The following RFX3 variants were observed in gnomAD, a reference collection of about 807,000 sequenced individuals.
RFX3 encodes transcription factor RFX3.
A neutral mutation model predicts 98.6 loss-of-function variants in RFX3; 14 were observed. That is an observed-to-expected ratio of 0.14 (90% confidence interval 0.09 to 0.22). The LOEUF (loss-of-function observed/expected upper bound fraction) is 0.22, where lower values mean the gene tolerates loss of function less well. RFX3 is among the 10% of genes least tolerant of loss of function. RFX3 has a pLI of 1.00. For synonymous variants in RFX3, 383 were observed against 328.4 expected (o/e 1.17, Z -1.80); for missense variants, 639 against 926.9 (o/e 0.69, Z 4.03).
intron 2 of RFX3, among the ~76,000 whole-genome samples, chr9:3,385,187 G>C (rs1415131881): frequency 1.3e-5 from 2 of 152,268 alleles, no homozygotes; most frequent in East Asian, 3.9e-4. Context: ...CAAATTATAT[G>C]TAAGTACAGG....
chr9:3,378,001 A>G (rs1410540911), intron 2 of RFX3, among the ~76,000 whole-genome samples: 2 of 152,234 alleles, frequency 1.3e-5, no homozygotes, highest in Non-Finnish European at 2.9e-5. Context: ...ACATACAAAA[A>G]TAGGAATTAC....
intron 1 of RFX3, among the ~76,000 whole-genome samples, chr9:3,446,796 T>C (rs1269849502): frequency 6.6e-6 from 1 of 152,078 alleles, no homozygotes; most frequent in East Asian, 1.9e-4. Context: ...TCATCTATTC[T>C]CTCACACAGA....
At position 3,484,632 on chromosome 9, in the gene RFX3, T is replaced by C. The variant is rs140214079; in HGVS notation, c.-9+41115A>G. ...TTAGTATTTTCTACTTCACATGTGG[T>C]TTTCTACTTACAACTCTGTGTAGCT... On this transcript the variant is annotated intron_variant, in intron 1 of 16. Transcript: ENST00000617270. Among the ~76,000 whole-genome samples, 391 of 152,334 alleles carry C rather than the reference T, an allele frequency of 2.6e-3. 1 individual carries two copies. Among genetic ancestry groups the C allele is most frequent in the East Asian group, 8.3e-3 (43 of 5,192 alleles).
chr9:3,362,513 C>G (rs1352600849), intron 2 of RFX3, among the ~76,000 whole-genome samples: 2 of 152,088 alleles, frequency 1.3e-5, no homozygotes, highest in Non-Finnish European at 2.9e-5. Flanking sequence ...AGGTTCAAAT[C>G]CAATAAACAT....
At chr9:3,320,443 T>A (rs1831131854) in intron 4 of RFX3, among the ~76,000 whole-genome samples, 2 of 151,830 alleles carry the variant, frequency 1.3e-5, no homozygotes, top group Non-Finnish European at 2.9e-5. Context: ...ACTCAGCTAC[T>A]TGGGAGGATG....
intron 1 of RFX3, among the ~76,000 whole-genome samples, chr9:3,403,457 G>A (rs1280501767): frequency 6.6e-6 from 1 of 152,112 alleles, no homozygotes; most frequent in Non-Finnish European, 1.5e-5. Context: ...TAATAGTGTA[G>A]ACTGTTCAGC....
intron 3 of RFX3, among the ~76,000 whole-genome samples, chr9:3,338,445 C>A (rs1833458419): frequency 6.6e-6 from 1 of 152,148 alleles, no homozygotes. Context: ...TGACAATGTA[C>A]AGCATACTGG....
intron 2 of RFX3, among the ~76,000 whole-genome samples, chr9:3,373,725 G>A (rs1006678344): frequency 3.9e-5 from 6 of 152,062 alleles, no homozygotes; most frequent in African/African-American, 1.4e-4. Flanking sequence ...AAAAAGTATA[G>A]GAGGAGGAGA....
intron 1 of RFX3, among the ~76,000 whole-genome samples, chr9:3,446,198 G>A (rs1846034309): frequency 1.3e-5 from 2 of 152,000 alleles, no homozygotes; most frequent in Admixed American, 1.3e-4. Flanking sequence ...GTGGGTTACT[G>A]GGGGAGTATA....
At chr9:3,474,260 A>T (rs147420681) in intron 1 of RFX3, among the ~76,000 whole-genome samples, 2 of 152,356 alleles carry the variant, frequency 1.3e-5, no homozygotes, top group East Asian at 3.9e-4. Context: ...TCACAAAAAC[A>T]GTCTATTTAT....
At chr9:3,267,124 A>C (rs1823751034) in intron 11 of RFX3, among the ~76,000 whole-genome samples, 1 of 152,028 alleles carries the variant, frequency 6.6e-6, no homozygotes, top group Admixed American at 6.6e-5. Flanking sequence ...ATTGCTATAT[A>C]GTAGGAGACA....
intron 1 of RFX3, among the ~76,000 whole-genome samples, chr9:3,468,815 GAAA>G (rs34057815): frequency 2.4e-5 from 2 of 84,266 alleles, no homozygotes; most frequent in Non-Finnish European, 2.7e-5. Flanking sequence ...TTTTCCTTTT[GAAA>G]AAAAAAAAAA....
intron 1 of RFX3, among the ~76,000 whole-genome samples, chr9:3,492,732 C>A (rs1850817410): frequency 6.6e-6 from 1 of 152,248 alleles, no homozygotes; most frequent in African/African-American, 2.4e-5. Flanking sequence ...AGGGTCAGCT[C>A]TCCCTTTGCC....
chr9:3,523,469 A>G (rs1818929686), intron 1 of RFX3, among the ~76,000 whole-genome samples: 1 of 152,194 alleles, frequency 6.6e-6, no homozygotes, highest in Non-Finnish European at 1.5e-5. Context: ...ATGGAAAAGT[A>G]ATGAAATTCA....
At chr9:3,322,547 C>G (rs1203331503) in intron 4 of RFX3, among the ~76,000 whole-genome samples, 1 of 152,072 alleles carries the variant, frequency 6.6e-6, no homozygotes, top group East Asian at 1.9e-4. Context: ...ACCCAGCCAA[C>G]ATGATGAAAC....
At chr9:3,430,689 T>C (rs1186520910) in intron 1 of RFX3, among the ~76,000 whole-genome samples, 8 of 152,190 alleles carry the variant, frequency 5.3e-5, no homozygotes, top group African/African-American at 1.9e-4. Flanking sequence ...TTCAATGTAA[T>C]GTTGACCCTT....
chr9:3,362,242 A>C (rs1375436369), intron 2 of RFX3, among the ~76,000 whole-genome samples: 2 of 152,228 alleles, frequency 1.3e-5, no homozygotes, highest in Admixed American at 6.5e-5. Flanking sequence ...GTTGCTGTGA[A>C]TCTTCTAGGA....
intron 7 of RFX3, among the ~76,000 whole-genome samples, chr9:3,281,684 A>T (rs1825933762): frequency 6.6e-6 from 1 of 151,832 alleles, no homozygotes; most frequent in Non-Finnish European, 1.5e-5. Context: ...ATGCTTTAAT[A>T]GCTGACTGTA....
chr9:3,462,011 G>A (rs560822252), intron 1 of RFX3, among the ~76,000 whole-genome samples: 51 of 151,894 alleles, frequency 3.4e-4, no homozygotes, highest in Admixed American at 2.8e-3. Flanking sequence ...TGTGTTTTCC[G>A]ATTCATAATT....
Sources: gnomAD v4.1 joint callset for allele counts (sites outside exome capture counted in the v4.1 genomes callset) on GRCh38, gnomAD v4.1.1 for gene constraint, MANE v1.5 for transcripts, NCBI Gene and HGNC (gene_info 2026-07-23, HGNC 2026-07-21) for gene names.